VRK2: variants seen among roughly 807,000 people sequenced by gnomAD.
VRK2 encodes the protein serine/threonine-protein kinase VRK2.
In VRK2, 60 loss-of-function variants were observed where a neutral mutation model predicts 57.6. The ratio of observed to expected loss-of-function variants is 1.04; its 90% confidence interval spans 0.85 to 1.29. VRK2 has a LOEUF of 1.29. Ranked by LOEUF, VRK2 falls within the 50% of genes most tolerant of loss-of-function variation. VRK2 has a pLI of 0.00. For missense variants in VRK2, 705 were observed against 588.1 expected, an observed-to-expected ratio of 1.20 and a Z score of -2.06; for synonymous variants, 231 against 199.2, an observed-to-expected ratio of 1.16 and a Z score of -1.35.
chr2:58,121,388 T>C (rs905679968), intron 7 of VRK2, among the ~76,000 whole-genome samples: 11 of 152,334 alleles, frequency 7.2e-5, no homozygotes, highest in Middle Eastern at 3.4e-3. Context: ...GCCTGTTTAG[T>C]TCTTGAAATA....
chr2:57,979,241 A>G lies in VRK2; in HGVS notation c.-438-46424A>G, dbSNP rs1672342622. Among the ~76,000 whole-genome samples, 3 of 151,152 alleles carry G rather than the reference A, an allele frequency of 2.0e-5. No homozygotes were observed. In the South Asian group the frequency reaches 6.2e-4, roughly 31 times the overall value. ...TTCTAGATCCTTGAGGAATTACCAT[A>G]CTGTCTTCCACAATGGTCGAAGTAA... On this transcript the variant is annotated intron_variant, in intron 1 of 15. Coordinates refer to the VRK2 transcript ENST00000417641.
chr2:57,992,744 G>C (rs1240343340), intron 1 of VRK2, among the ~76,000 whole-genome samples: 3 of 151,988 alleles, frequency 2.0e-5, no homozygotes, highest in Admixed American at 6.5e-5. Flanking sequence ...CACCTTGTTA[G>C]CCAGGATGGT....
chr2:58,029,346 C>T (rs1201910490), intron 2 of VRK2, among the ~76,000 whole-genome samples: 2 of 151,990 alleles, frequency 1.3e-5, no homozygotes, highest in Non-Finnish European at 2.9e-5. Flanking sequence ...TGTCTTAAAC[C>T]AGTGTCCTCA....
intron 2 of VRK2, among the ~76,000 whole-genome samples, chr2:58,065,247 A>C (rs1051025467): frequency 1.3e-5 from 2 of 152,084 alleles, no homozygotes; most frequent in African/African-American, 4.8e-5. Context: ...CATCACCCTA[A>C]AATCTTCCTC....
At chr2:58,020,409 T>A (rs892185051) in intron 1 of VRK2, among the ~76,000 whole-genome samples, 1 of 152,190 alleles carries the variant, frequency 6.6e-6, no homozygotes, top group African/African-American at 2.4e-5. Context: ...CTCAATATGT[T>A]TTGAAGGCTG....
upstream of VRK2, chr2:58,046,761 T>G (rs941970269): frequency 1.1e-5 from 11 of 985,228 alleles, no homozygotes; most frequent in Non-Finnish European, 3.6e-6. Flanking sequence ...CAGGCTCGAG[T>G]GCTGGGCCCG....
chr2:58,037,028 T>C (rs1254961132), intron 3 of VRK2, among the ~76,000 whole-genome samples: 1 of 151,996 alleles, frequency 6.6e-6, no homozygotes, highest in African/African-American at 2.4e-5. Context: ...AGTCTTGTCC[T>C]GGACTCAAGC....
At chr2:57,908,060 T>G (rs1423827043) in intron 1 of VRK2, among the ~76,000 whole-genome samples, 5 of 152,096 alleles carry the variant, frequency 3.3e-5, no homozygotes, top group African/African-American at 1.2e-4. Flanking sequence ...CCAAAAGGAT[T>G]CACAAGAGGG....
chr2:57,957,659 G>A (rs1013888933), intron 1 of VRK2, among the ~76,000 whole-genome samples: 2 of 146,998 alleles, frequency 1.4e-5, no homozygotes, highest in Non-Finnish European at 3.0e-5. Flanking sequence ...TATAGATATA[G>A]ACATAGATAT....
chr2:57,923,528 T>C (rs557871478), intron 1 of VRK2, among the ~76,000 whole-genome samples: 7 of 151,894 alleles, frequency 4.6e-5, no homozygotes, highest in Non-Finnish European at 8.8e-5. Context: ...TGTATGTTTT[T>C]TTTTTGAGAA....
chr2:58,019,847 A>T (rs1673696308), intron 1 of VRK2, among the ~76,000 whole-genome samples: 1 of 152,252 alleles, frequency 6.6e-6, no homozygotes, highest in African/African-American at 2.4e-5. Context: ...TGAACTAGAA[A>T]ACTATAAACT....
At chr2:57,908,010 G>C (rs1669877969) in intron 1 of VRK2, among the ~76,000 whole-genome samples, 2 of 152,028 alleles carry the variant, frequency 1.3e-5, no homozygotes, top group African/African-American at 2.4e-5. Context: ...TCTAGCAGTG[G>C]GTGACTGCTA....
At chr2:57,977,545 C>A (rs979719747) in intron 1 of VRK2, among the ~76,000 whole-genome samples, 1 of 144,934 alleles carries the variant, frequency 6.9e-6, no homozygotes, top group East Asian at 1.9e-4. Flanking sequence ...TACAGAAATG[C>A]TACCGATTTT....
intron 8 of VRK2, among the ~76,000 whole-genome samples, chr2:58,130,594 A>G (rs1679039966): frequency 6.6e-6 from 1 of 152,240 alleles, no homozygotes. Flanking sequence ...AACCAAAAGT[A>G]GTTACGATGT....
In VRK2 at chr2:58,089,645, A is replaced by C; in HGVS notation, c.465A>C (p.Glu155Asp). The change falls in exon 7 of 13, where the codon GAA (glutamate) becomes GAC (aspartate). Residue 155 changes from glutamate to aspartate, a missense_variant. Glu to Asp is a conservative substitution (Grantham distance 45). Transcript: ENST00000340157. ...QLGIRMLDVL[E>D]YIHENEYVHG... is the part of the protein sequence containing the mutation. ...TATTTTCACAGTTGGATGTACTGGAATATATACATGAAAATGAATATGTTC... is the reference window on the plus strand; with the variant it reads ...TATTTTCACAGTTGGATGTACTGGACTATATACATGAAAATGAATATGTTC... 6.2e-7 allele frequency: 1 copy of C among 1,600,254 alleles called. No homozygotes were observed. The highest frequency in any genetic ancestry group is 8.5e-7 in the Non-Finnish European group (1 of 1,171,656).
In VRK2 at chr2:58,110,745, C is replaced by T. The variant is rs370497215; in HGVS notation, c.544-12356C>T. Among the ~76,000 whole-genome samples the T allele has an allele frequency of 1.1e-4, 17 of 152,222 alleles. 1 individual carries two copies. The highest frequency in any genetic ancestry group is 4.1e-4 in the African/African-American group (17 of 41,532). On this transcript the variant is annotated intron_variant, in intron 7 of 12. Coordinates refer to ENST00000340157, the MANE Select transcript of VRK2 (RefSeq NM_006296.7). ...CTTCCAGAGCGGGATGTTGATCTGA[C>T]ACTTGTGAAAGGAAAGGGAACCAGA...
At chr2:58,005,842 A>T (rs139100767) in intron 1 of VRK2, among the ~76,000 whole-genome samples, 76 of 152,308 alleles carry the variant, frequency 5.0e-4, no homozygotes, top group African/African-American at 1.7e-3. Flanking sequence ...TGACAGTAGA[A>T]GAGACCTCCC....
At chr2:58,108,299 C>G (rs951188271) in intron 7 of VRK2, among the ~76,000 whole-genome samples, 6 of 152,132 alleles carry the variant, frequency 3.9e-5, no homozygotes, top group African/African-American at 1.4e-4. Context: ...CACCACTGTC[C>G]TAGTCCGAGT....
chr2:58,088,920 T>C (rs1672002258), intron 6 of VRK2, among the ~76,000 whole-genome samples: 1 of 152,248 alleles, frequency 6.6e-6, no homozygotes, highest in Non-Finnish European at 1.5e-5. Flanking sequence ...GAACTCTTAA[T>C]AGCACTCAGG....
Sources: gnomAD v4.1 joint callset for allele counts (sites outside exome capture counted in the v4.1 genomes callset) on GRCh38, gnomAD v4.1.1 for gene constraint, MANE v1.5 for transcripts, NCBI Gene and HGNC (gene_info 2026-07-23, HGNC 2026-07-21) for gene names.